The following LIPA variants were observed in gnomAD, a reference collection of about 807,000 sequenced individuals.
LIPA encodes lysosomal acid lipase/cholesteryl ester hydrolase.
In LIPA, 26 loss-of-function variants were observed where a neutral mutation model predicts 40.6. That is an observed-to-expected ratio of 0.64 (90% confidence interval 0.47 to 0.89). The LOEUF (loss-of-function observed/expected upper bound fraction) is 0.89. Ranked by LOEUF, LIPA falls within the 40% of genes least tolerant of loss-of-function variation. LIPA has a pLI of 0.00. For missense variants in LIPA, 455 were observed against 479.6 expected (o/e 0.95, Z 0.48); for synonymous variants, 188 against 168.4 (o/e 1.12, Z -0.90).
At chr10:89,381,052 G>A (rs1486629936) in intron 2 of LIPA, among the ~76,000 whole-genome samples, 1 of 152,122 alleles carries the variant, frequency 6.6e-6, no homozygotes, top group African/African-American at 2.4e-5. Flanking sequence ...ATCAATGCAT[G>A]GCCATGATTA....
chr10:89,381,610 A>G lies in LIPA; in HGVS notation c.61+31181T>C, dbSNP rs545052037. On this transcript the variant is annotated intron_variant, in intron 2 of 8. Transcript: ENST00000371837. ...GAATGCACTCAAGGAGGGTCTAAGC[A>G]TAGTAGGGAGTTTTTTAGATGGAGA... 2.6e-5 allele frequency among the ~76,000 whole-genome samples: 4 copies of G among 152,258 alleles called. 1 individual carries two copies. The South Asian group carries it at 8.3e-4, about 32-fold the overall frequency.
intron 1 of LIPA, among the ~76,000 whole-genome samples, chr10:89,316,272 G>A (rs567117845): frequency 5.3e-5 from 8 of 152,318 alleles, no homozygotes; most frequent in African/African-American, 1.7e-4. Flanking sequence ...GCGGGGCATC[G>A]CCTCACCCGG....
intron 2 of LIPA, among the ~76,000 whole-genome samples, chr10:89,352,788 T>A (rs75533435): frequency 0.01 from 1,172 of 112,212 alleles, no homozygotes; most frequent in Non-Finnish European, 0.013. Flanking sequence ...ACTACAAAGA[T>A]AAAAAAAAAA....
intron 2 of LIPA, chr10:89,362,622 C>A: frequency 2.6e-6 from 1 of 383,954 alleles, no homozygotes; most frequent in South Asian, 6.4e-5. Context: ...CTGGGCGTAT[C>A]ACCACATAGG....
chr10:89,285,326 C>A, intron 1 of LIPA: 1 of 152,590 alleles, frequency 6.6e-6, no homozygotes, highest in Non-Finnish European at 1.5e-5. Context: ...CCTCTTTCTC[C>A]TTTCAATCTC....
At chr10:89,259,418 A>G (rs771287885) in intron 1 of LIPA, among the ~76,000 whole-genome samples, 1 of 152,228 alleles carries the variant, frequency 6.6e-6, no homozygotes, top group African/African-American at 2.4e-5. Flanking sequence ...CTAAAATTAA[A>G]AAGTGTTGGC....
chr10:89,228,529 T>C (rs2133437133), intron 3 of LIPA, 131 bp from the exon 4 acceptor site: 2 of 826,564 alleles, frequency 2.4e-6, no homozygotes, highest in South Asian at 1.5e-5. Flanking sequence ...AAGATTGACA[T>C]AGTGATGTAC....
intron 1 of LIPA, chr10:89,302,078 T>TC (rs1427724208): frequency 6.2e-7 from 1 of 1,613,392 alleles, no homozygotes; most frequent in South Asian, 1.1e-5. Flanking sequence ...AGAGTGCAGC[T>TC]GCCTGAACCG....
chr10:89,392,432 G>A (rs1844265402), intron 2 of LIPA: 1 of 459,964 alleles, frequency 2.2e-6, no homozygotes, highest in Admixed American at 3.6e-5. Flanking sequence ...CAGGTCTGCA[G>A]TTTATCTGTT....
chr10:89,242,983 G>T (rs1842980485), intron 3 of LIPA, among the ~76,000 whole-genome samples: 1 of 152,130 alleles, frequency 6.6e-6, no homozygotes, highest in Admixed American at 6.5e-5. Flanking sequence ...AACGTGGGTG[G>T]CCTAGAGAGG....
intron 1 of LIPA, among the ~76,000 whole-genome samples, chr10:89,296,006 T>C (rs201702318): frequency 2.6e-5 from 4 of 152,230 alleles, no homozygotes; most frequent in East Asian, 3.8e-4. Flanking sequence ...ACAGTGACCA[T>C]GGCAAAACCT....
intron 1 of LIPA, among the ~76,000 whole-genome samples, chr10:89,297,045 C>T (rs1178153466): frequency 1.3e-5 from 2 of 152,012 alleles, no homozygotes; most frequent in African/African-American, 4.8e-5. Context: ...AATTATACCT[C>T]GAATAGAACA....
At chr10:89,290,187 C>G (rs1375116830) in intron 1 of LIPA, among the ~76,000 whole-genome samples, 1 of 152,144 alleles carries the variant, frequency 6.6e-6, no homozygotes, top group East Asian at 1.9e-4. Flanking sequence ...CTGGGTCCTC[C>G]CAATTCTTAG....
In LIPA at chr10:89,228,275, C is replaced by G; in HGVS notation, c.353G>C (p.Gly118Ala). Reference sequence around the variant, plus strand: ...AGACCAGGTATTTCCTCTGCTGTTGCCCATCCACACGTCAAAACCAGCATC... The same window carrying G: ...AGACCAGGTATTTCCTCTGCTGTTGGCCATCCACACGTCAAAACCAGCATC... ...LADAGFDVWM[G>A]NSRGNTWSRK... The change falls in exon 4 of 10, where the codon GGC becomes GCC. Residue 118 changes from glycine to alanine, a missense_variant. Physicochemically the swap from Gly to Ala is moderately conservative, Grantham distance 60. Transcript: ENST00000336233. The G allele has an allele frequency of 6.2e-7, 1 of 1,614,128 alleles. No individual in the cohort carries two copies. Among genetic ancestry groups the G allele is most frequent in the Middle Eastern group, 1.6e-4 (1 of 6,062 alleles).
At chr10:89,233,779 T>C (rs1371504419) in intron 3 of LIPA, among the ~76,000 whole-genome samples, 1 of 152,066 alleles carries the variant, frequency 6.6e-6, no homozygotes, top group Non-Finnish European at 1.5e-5. Context: ...GGCAGGAGAA[T>C]TGTTTGAACC....
At chr10:89,359,792 C>G (rs1844009981) in intron 2 of LIPA, among the ~76,000 whole-genome samples, 1 of 149,874 alleles carries the variant, frequency 6.7e-6, no homozygotes, top group Non-Finnish European at 1.5e-5. Context: ...ATCTCCCTCT[C>G]TATCTATCTC....
intron 2 of LIPA, among the ~76,000 whole-genome samples, chr10:89,369,692 G>A (rs918918709): frequency 1.3e-5 from 2 of 152,072 alleles, no homozygotes; most frequent in Non-Finnish European, 1.5e-5. Context: ...AGGTATTTGC[G>A]CCCTCTACTG....
At chr10:89,310,820 A>G (rs574062256) in intron 1 of LIPA, among the ~76,000 whole-genome samples, 1 of 152,330 alleles carries the variant, frequency 6.6e-6, no homozygotes, top group East Asian at 1.9e-4. Flanking sequence ...CTGCTGTTGA[A>G]AAGGAGGCTA....
At chr10:89,398,555 G>A (rs964754993) in intron 2 of LIPA, among the ~76,000 whole-genome samples, 1 of 152,132 alleles carries the variant, frequency 6.6e-6, no homozygotes, top group African/African-American at 2.4e-5. Context: ...CCTAGTCCCT[G>A]TTAATCACTA....
Sources: gnomAD v4.1 joint callset for allele counts (sites outside exome capture counted in the v4.1 genomes callset) on GRCh38, gnomAD v4.1.1 for gene constraint, MANE v1.5 for transcripts, NCBI Gene and HGNC (gene_info 2026-07-23, HGNC 2026-07-21) for gene names.